The following BRAF variants were observed in gnomAD, a reference collection of about 807,000 sequenced individuals.
BRAF encodes the protein serine/threonine-protein kinase B-raf.
In BRAF, 16 loss-of-function variants were observed where a neutral mutation model predicts 104.6. That is an observed-to-expected ratio of 0.15 (90% confidence interval 0.10 to 0.23). BRAF has a LOEUF of 0.23. BRAF is among the 10% of genes least tolerant of loss of function. The pLI, the probability that BRAF is intolerant of heterozygous loss-of-function variation, is 1.00. For synonymous variants in BRAF, 310 were observed against 341.6 expected, an observed-to-expected ratio of 0.91 and a Z score of 1.02; for missense variants, 541 against 937.3, an observed-to-expected ratio of 0.58 and a Z score of 5.52.
rs1798329523 is a variant in BRAF, at chr7:140,757,775, A to G, written c.1815-3542T>C. 2.0e-5 allele frequency among the ~76,000 whole-genome samples: 3 copies of G among 152,334 alleles called. No individual in the cohort carries two copies. The South Asian group carries it at 6.2e-4, about 32-fold the overall frequency. ...GAGATTTTTAAAGATCGGCATGCTA[A>G]TAATTCCTCACATAAGTTACTTCTA... On this transcript the variant is annotated intron_variant, in intron 14 of 19. Coordinates refer to ENST00000644969, the MANE Select transcript of BRAF (RefSeq NM_001374258.1).
intron 14 of BRAF, among the ~76,000 whole-genome samples, chr7:140,762,268 A>C (rs1164541542): frequency 2.6e-5 from 4 of 152,216 alleles, no homozygotes; most frequent in African/African-American, 9.7e-5. Context: ...TGGAAACTGA[A>C]CAAGCTGCTC....
intron 2 of BRAF, among the ~76,000 whole-genome samples, chr7:140,848,170 C>T (rs1808774065): frequency 6.6e-6 from 1 of 151,904 alleles, no homozygotes; most frequent in Non-Finnish European, 1.5e-5. Context: ...AATATTTAGC[C>T]CAAATAAGAA....
intron 12 of BRAF, among the ~76,000 whole-genome samples, chr7:140,778,693 T>A (rs1800560029): frequency 6.7e-6 from 1 of 148,970 alleles, no homozygotes; most frequent in South Asian, 2.1e-4. Flanking sequence ...AACTTAAAAG[T>A]ATAATAATAA....
intron 1 of BRAF, among the ~76,000 whole-genome samples, chr7:140,869,936 C>T (rs1811390115): frequency 6.6e-6 from 1 of 151,836 alleles, no homozygotes; most frequent in Admixed American, 6.6e-5. Flanking sequence ...TTCACTGAAA[C>T]TTGGTATATT....
At position 140,719,573 on chromosome 7, in the gene BRAF, G is replaced by A. The variant is rs182099250; in HGVS notation, c.*6921C>T. 1.9e-3 allele frequency: 2,054 copies of A among 1,055,242 alleles called. 1 individual carries two copies. Among genetic ancestry groups the A allele is most frequent in the Non-Finnish European group, 2.2e-3 (1,954 of 871,436 alleles). 65.4% of individuals were successfully genotyped at this position (1,055,242 alleles called of 1,614,324 possible). A position where few individuals can be genotyped will look rare whatever the true frequency, so the allele number is the denominator to read the frequency against. On this transcript the variant is annotated 3_prime_UTR_variant, in exon 20 of 20. Coordinates refer to ENST00000644969, the MANE Select transcript of BRAF (RefSeq NM_001374258.1). ...CCAAAGTACAAATGAAGGGACCTGA[G>A]CAGGAAAGAGAACCAAAGTATCAGG...
Position 140,924,497 on chromosome 7 carries a change from T to C in BRAF, c.138+69A>G. 1.3e-6 allele frequency: 2 copies of C among 1,528,022 alleles called. No homozygotes were observed. The highest frequency in any genetic ancestry group is 1.8e-6 in the Non-Finnish European group (2 of 1,142,770). The allele number at this position is 1,528,022 out of a possible 1,614,324, so 94.7% of individuals were successfully genotyped here. ...CATCAAGCCCCCACCGCCGCCTCTT[T>C]CCAAAATAAACACCAGCCAGCCGCC... On this transcript the variant is annotated intron_variant, in intron 1 of 19. Transcript: ENST00000644969. This position sits in a 1 kb window ranked among gnomAD's most constrained non-coding sequence, Gnocchi z 4.2.
In BRAF at chr7:140,827,083, CTG is replaced by C. The variant is rs1279380975; in HGVS notation, c.504+7524_504+7525del. The stretch of plus-strand genomic sequence containing the variant: ...GGTGCTTACCTTTTTCCTCTATCCC[CTG>C]TGTTTCTTATAAAATAGAAGGTCCC... On this transcript the variant is annotated intron_variant, in intron 3 of 19. Coordinates refer to ENST00000644969, the MANE Select transcript of BRAF (RefSeq NM_001374258.1). Among the ~76,000 whole-genome samples the C allele has an allele frequency of 1.2e-4, 18 of 151,286 alleles. No homozygotes were observed. The East Asian group carries it at 3.3e-3, about 28-fold the overall frequency.
chr7:140,794,368 T>C lies in BRAF; in HGVS notation c.1080A>G (p.Arg360=). The change falls in exon 8 of 20, where the codon CGA becomes CGG. Residue 360 remains arginine, a synonymous_variant. Coordinates refer to ENST00000644969, the MANE Select transcript of BRAF (RefSeq NM_001374258.1). The part of the protein sequence containing the change: ...DEDHRNQFGQ[R]DRSSSAPNVH... ...CATTGGGAGCTGATGAGGATCGGTC[T>C]CGTTGCCCAAATTGATTTCGATGAT... 6.2e-7 allele frequency: 1 copy of C among 1,614,132 alleles called. No individual in the cohort carries two copies. Among genetic ancestry groups the C allele is most frequent in the Non-Finnish European group, 8.5e-7 (1 of 1,180,012 alleles).
chr7:140,754,705 G>C (rs1310065326), intron 14 of BRAF, among the ~76,000 whole-genome samples: 3 of 152,136 alleles, frequency 2.0e-5, no homozygotes, highest in African/African-American at 7.2e-5. Context: ...CGAACTGAAA[G>C]TGCTCTTTCA....
In BRAF at chr7:140,794,120, G is replaced by A. The variant is rs185238721; in HGVS notation, c.1140+188C>T. Among the ~76,000 whole-genome samples the A allele has an allele frequency of 2.5e-3, 388 of 152,312 alleles. 2 individuals are homozygous for A. The highest frequency in any genetic ancestry group is 9.0e-3 in the African/African-American group (376 of 41,562). On this transcript the variant is annotated intron_variant, in intron 8 of 19. Coordinates refer to ENST00000644969, the MANE Select transcript of BRAF (RefSeq NM_001374258.1). ...AGTGACTGTATAACCTGGAGTCAGTGAAATATTTAATGTCATCAGAGAGAA... is the reference window on the plus strand; with the variant it reads ...AGTGACTGTATAACCTGGAGTCAGTAAAATATTTAATGTCATCAGAGAGAA...
At position 140,725,071 on chromosome 7, in the gene BRAF, T is replaced by C. The variant is rs1795526161; in HGVS notation, c.*1423A>G. ...CCCTAAAATTGCTCTATTCTCTGTC[T>C]GGGAATTCAGCTGCCAAATTGCCCA... On this transcript the variant is annotated 3_prime_UTR_variant, in exon 20 of 20. Coordinates refer to ENST00000644969, the MANE Select transcript of BRAF (RefSeq NM_001374258.1). 4.8e-6 allele frequency: 5 copies of C among 1,046,060 alleles called. No individual in the cohort carries two copies. The highest frequency in any genetic ancestry group is 5.8e-6 in the Non-Finnish European group (5 of 867,154). The allele number at this position is 1,046,060 out of a possible 1,614,324, so 64.8% of individuals were successfully genotyped here.
rs1234520338 is a variant in BRAF at position 140,719,529 on chromosome 7, A to G, written c.*6965T>C. 9.6e-7 allele frequency: 1 copy of G among 1,042,170 alleles called. No individual in the cohort carries two copies. Among genetic ancestry groups the G allele is most frequent in the African/African-American group, 1.7e-5 (1 of 60,080 alleles). The allele number at this position is 1,042,170 out of a possible 1,614,324, so 64.6% of individuals were successfully genotyped here. A position where few individuals can be genotyped will look rare whatever the true frequency, so the allele number is the denominator to read the frequency against. On this transcript the variant is annotated 3_prime_UTR_variant, in exon 20 of 20. Coordinates refer to ENST00000644969, the MANE Select transcript of BRAF (RefSeq NM_001374258.1). ...ACTGAACAATATTTTCTGTTATACAAATTTACATGAGAAAAACTCCAAAGT... is the reference window on the plus strand; with the variant it reads ...ACTGAACAATATTTTCTGTTATACAGATTTACATGAGAAAAACTCCAAAGT...
At chr7:140,793,779 C>T (rs111831040) in intron 8 of BRAF, among the ~76,000 whole-genome samples, 1 of 152,104 alleles carries the variant, frequency 6.6e-6, no homozygotes, top group Non-Finnish European at 1.5e-5. Flanking sequence ...GCATGCCTCA[C>T]CATGCATGGC....
At chr7:140,898,800 C>A (rs1366404602) in intron 1 of BRAF, among the ~76,000 whole-genome samples, 1 of 152,048 alleles carries the variant, frequency 6.6e-6, no homozygotes, top group Non-Finnish European at 1.5e-5. Flanking sequence ...AATTCTAGTA[C>A]CTATATTTGT....
At position 140,873,239 on chromosome 7, in the gene BRAF, C is replaced by T. The variant is rs564584129; in HGVS notation, c.139-23027G>A. Among the ~76,000 whole-genome samples the T allele has an allele frequency of 2.0e-3, 285 of 145,420 alleles. 2 individuals carry two copies. Among genetic ancestry groups the T allele is most frequent in the Non-Finnish European group, 3.0e-3 (203 of 67,400 alleles). On this transcript the variant is annotated intron_variant, in intron 1 of 19. Coordinates refer to ENST00000644969, the MANE Select transcript of BRAF (RefSeq NM_001374258.1). Reference sequence around the variant, plus strand: ...AGGCTGGAGTGCAATGGCACGATCTCGGCTCACTGCAACCTCTGCCTCCCA... The same window carrying T: ...AGGCTGGAGTGCAATGGCACGATCTTGGCTCACTGCAACCTCTGCCTCCCA...
chr7:140,843,446 G>C (rs940757342), intron 2 of BRAF, among the ~76,000 whole-genome samples: 1 of 152,112 alleles, frequency 6.6e-6, no homozygotes, highest in Non-Finnish European at 1.5e-5. Flanking sequence ...CTATGTGAAA[G>C]GAAATGAAAA....
Position 140,720,132 on chromosome 7 carries a change from A to G in BRAF, c.*6362T>C, listed in dbSNP as rs1036038546. The G allele has an allele frequency of 1.9e-6, 2 of 1,061,254 alleles. No individual in the cohort carries two copies. Among genetic ancestry groups the G allele is most frequent in the African/African-American group, 1.6e-5 (1 of 60,986 alleles). 65.7% of individuals were successfully genotyped at this position (1,061,254 alleles called of 1,614,324 possible). A position where few individuals can be genotyped will look rare whatever the true frequency, so the allele number is the denominator to read the frequency against. On this transcript the variant is annotated 3_prime_UTR_variant, in exon 20 of 20. Transcript: ENST00000644969. ...ACATGTTGATGAATGATCAAATTCA[A>G]TCCCCTGATCAGTTGTATGATCCTA...
intron 3 of BRAF, among the ~76,000 whole-genome samples, chr7:140,813,287 T>A (rs1213971996): frequency 6.6e-6 from 1 of 152,092 alleles, no homozygotes; most frequent in African/African-American, 2.4e-5. Flanking sequence ...TTCACACATA[T>A]GAAAACATGT....
At chr7:140,774,998 T>C (rs1208235679) in intron 14 of BRAF, among the ~76,000 whole-genome samples, 2 of 152,194 alleles carry the variant, frequency 1.3e-5, no homozygotes, top group Non-Finnish European at 2.9e-5. Context: ...TCATACAGCC[T>C]GCATTCTAGT....
Sources: allele counts gnomAD v4.1 joint callset (sites outside exome capture counted in the v4.1 genomes callset), GRCh38; gene constraint gnomAD v4.1.1; non-coding constraint Gnocchi (gnomAD v3.1); transcripts MANE v1.5; gene names NCBI Gene and HGNC (gene_info 2026-07-23, HGNC 2026-07-21).